PDCD6IP: variants seen among roughly 807,000 people sequenced by gnomAD.
The protein encoded by PDCD6IP is programmed cell death 6 interacting protein.
Under a neutral mutation model 103.7 loss-of-function variants are expected in PDCD6IP, and 43 were observed. The ratio of observed to expected loss-of-function variants is 0.41; its 90% CI spans 0.32 to 0.53. The LOEUF is 0.53. Ranked by LOEUF, PDCD6IP falls within the 20% of genes least tolerant of loss-of-function variation. The pLI, the probability that PDCD6IP is intolerant of heterozygous loss-of-function variation, is 0.16. For missense variants in PDCD6IP, 871 were observed against 1,036.7 expected, an observed-to-expected ratio of 0.84 and a Z score of 2.20; for synonymous variants, 354 against 378.7, an observed-to-expected ratio of 0.93 and a Z score of 0.76.
chr3:33,814,738 C>T (rs1176936633), intron 3 of PDCD6IP, among the ~76,000 whole-genome samples: 2 of 143,934 alleles, frequency 1.4e-5, no homozygotes, highest in Non-Finnish European at 3.0e-5. Flanking sequence ...GTATTATATA[C>T]ATATATGTAT....
At chr3:33,828,584 A>G (rs1465511631) in intron 6 of PDCD6IP, 1 of 235,522 alleles carries the variant, frequency 4.2e-6, no homozygotes, top group Non-Finnish European at 8.3e-6. Context: ...TGGATCAATT[A>G]AAGAGAATTG....
rs1223014529 is a variant in PDCD6IP, at chr3:33,798,920, G to A, written c.192G>A (p.Ala64=). 5.2e-6 allele frequency: 8 copies of A among 1,539,436 alleles called. No individual in the cohort carries two copies. Among genetic ancestry groups the A allele is most frequent in the Non-Finnish European group, 7.0e-6 (8 of 1,139,064 alleles). Residue 64 remains alanine (A), a synonymous_variant, in exon 1 of 18, where the codon GCG becomes GCA. Transcript: ENST00000307296. ...GTCCGCTGGACAAGCACGAGGGCGC[G>A]CTCGAGACGCTCCTGAGGTGGGCGC... ...VGRPLDKHEG[A]LETLLRYYDQ...
intron 14 of PDCD6IP, chr3:33,854,836 T>G (rs1697792839): frequency 6.2e-6 from 1 of 160,370 alleles, no homozygotes; most frequent in African/African-American, 2.4e-5. Context: ...TTTGAAAACC[T>G]AATCCTTCCA....
At chr3:33,826,433 G>C (rs1440022396) in intron 5 of PDCD6IP, 47 bp from the exon 6 acceptor site, 1 of 1,313,460 alleles carries the variant, frequency 7.6e-7, no homozygotes, top group African/African-American at 1.5e-5. Flanking sequence ...AGACATGTCA[G>C]ATTAGCTCAT....
chr3:33,814,113 A>G (rs986335404), intron 3 of PDCD6IP, among the ~76,000 whole-genome samples: 2 of 151,898 alleles, frequency 1.3e-5, no homozygotes, highest in South Asian at 2.1e-4. Context: ...TATCTGTGAA[A>G]TGGAGATAAT....
intron 15 of PDCD6IP, among the ~76,000 whole-genome samples, chr3:33,862,234 G>T (rs1008478419): frequency 4.6e-5 from 7 of 151,442 alleles, no homozygotes; most frequent in South Asian, 2.1e-4. Flanking sequence ...TACTTAAGAA[G>T]TAGTTTTGTT....
At position 33,868,654 on chromosome 3, in the gene PDCD6IP, T is replaced by A. The variant is rs1350319605; in HGVS notation, c.*2129T>A. 1 of 152,232 alleles carries A rather than the reference T, an allele frequency of 6.6e-6. No individual in the cohort carries two copies. Among genetic ancestry groups the A allele is most frequent in the Non-Finnish European group, 1.5e-5 (1 of 68,048 alleles). 9.4% of individuals were successfully genotyped at this position (152,232 alleles called of 1,614,324 possible). ...TGCAGCCCTTTATTACTGTTAAGGA[T>A]CATACTGTTGGTTTGGAGTTGGAAG... is the stretch of plus-strand genomic sequence containing the variant. On this transcript the variant is annotated 3_prime_UTR_variant, in exon 18 of 18. Coordinates refer to ENST00000307296, the MANE Select transcript of PDCD6IP (RefSeq NM_013374.6).
intron 13 of PDCD6IP, among the ~76,000 whole-genome samples, chr3:33,853,073 G>C (rs1575940774): frequency 6.6e-6 from 1 of 151,938 alleles, no homozygotes; most frequent in South Asian, 2.1e-4. Context: ...ATAGGCGCCC[G>C]CCACCACGCC....
intron 1 of PDCD6IP, among the ~76,000 whole-genome samples, chr3:33,801,887 C>T (rs1376845568): frequency 6.6e-6 from 1 of 152,170 alleles, no homozygotes; most frequent in African/African-American, 2.4e-5. Flanking sequence ...GTCTGCTTAT[C>T]AGCTTTCTAA....
chr3:33,845,716 A>G (rs1697578427), intron 12 of PDCD6IP, 128 bp downstream of exon 12: 1 of 654,584 alleles, frequency 1.5e-6, no homozygotes, highest in South Asian at 2.1e-5. Context: ...TGGGGTTGTT[A>G]TATTTAAAGT....
intron 1 of PDCD6IP, among the ~76,000 whole-genome samples, chr3:33,801,711 C>G (rs1281890734): frequency 1.3e-5 from 2 of 152,170 alleles, no homozygotes; most frequent in Non-Finnish European, 2.9e-5. Flanking sequence ...TTGATTAGAC[C>G]TTGGTAAATG....
intron 7 of PDCD6IP, among the ~76,000 whole-genome samples, chr3:33,832,313 A>C (rs868090894): frequency 6.6e-6 from 1 of 152,134 alleles, no homozygotes. Context: ...GACCTCATCT[A>C]AACCCCATTA....
intron 13 of PDCD6IP, among the ~76,000 whole-genome samples, chr3:33,853,202 C>T (rs561717342): frequency 6.6e-5 from 10 of 152,250 alleles, no homozygotes; most frequent in Non-Finnish European, 1.2e-4. Context: ...GGATTACAGA[C>T]GTGAGCCACC....
chr3:33,800,119 C>CAAAAAAAAAAA (rs1173163869), intron 1 of PDCD6IP, among the ~76,000 whole-genome samples: 804 of 50,858 alleles, frequency 0.016, 39 homozygotes, highest in Non-Finnish European at 0.026. Context: ...GACTCCATCT[C>CAAAAAAAAAAA]AAAAAAAAAA....
At chr3:33,850,482 T>C (rs748025722) in intron 12 of PDCD6IP, among the ~76,000 whole-genome samples, 4 of 152,156 alleles carry the variant, frequency 2.6e-5, no homozygotes, top group Non-Finnish European at 4.4e-5. Context: ...CGTTAGTTTC[T>C]GGTTTGTCCT....
At chr3:33,846,473 A>G (rs1000424831) in intron 12 of PDCD6IP, among the ~76,000 whole-genome samples, 1 of 152,236 alleles carries the variant, frequency 6.6e-6, no homozygotes, top group African/African-American at 2.4e-5. Flanking sequence ...ATGTACAAGG[A>G]TGACTGTAAT....
chr3:33,842,551 T>C (rs1210422948), intron 10 of PDCD6IP, among the ~76,000 whole-genome samples: 2 of 151,798 alleles, frequency 1.3e-5, no homozygotes, highest in African/African-American at 4.8e-5. Context: ...TGGGTTTGAG[T>C]CTATGATTTG....
intron 4 of PDCD6IP, 122 bp from the exon 5 acceptor site, chr3:33,825,065 A>G: frequency 1.2e-6 from 1 of 824,454 alleles, no homozygotes; most frequent in Non-Finnish European, 2.0e-6. Flanking sequence ...GTTTTGCATA[A>G]TATAAAAATT....
chr3:33,820,159 CTG>C (rs1696956552), intron 3 of PDCD6IP, among the ~76,000 whole-genome samples: 1 of 152,128 alleles, frequency 6.6e-6, no homozygotes, highest in South Asian at 2.1e-4. Flanking sequence ...TGGCCTGTGC[CTG>C]TAGTCCCAGC....
Sources: gnomAD v4.1 joint callset for allele counts (sites outside exome capture counted in the v4.1 genomes callset) on GRCh38, gnomAD v4.1.1 for gene constraint, MANE v1.5 for transcripts, NCBI Gene and HGNC (gene_info 2026-07-23, HGNC 2026-07-21) for gene names.